Variants in LHFPL3 observed in about 807,000 individuals in gnomAD.
LHFPL3 encodes the protein LHFPL tetraspan subfamily member 3 protein.
A neutral mutation model predicts 19.3 loss-of-function variants in LHFPL3; 5 were observed. That is an observed-to-expected ratio of 0.26 (90% CI 0.14 to 0.54). The LOEUF (loss-of-function observed/expected upper bound fraction) is 0.54. LHFPL3 is among the 20% of genes least tolerant of loss of function. The pLI, the probability that LHFPL3 is intolerant of heterozygous loss-of-function variation, is 0.94. For missense variants in LHFPL3, 249 were observed against 307.4 expected, an observed-to-expected ratio of 0.81 and a Z score of 1.42; for synonymous variants, 133 against 126.2, an observed-to-expected ratio of 1.05 and a Z score of -0.36.
At chr7:104,687,657 A>G (rs551455965) in intron 1 of LHFPL3, among the ~76,000 whole-genome samples, 1 of 152,296 alleles carries the variant, frequency 6.6e-6, no homozygotes, top group Admixed American at 6.5e-5. Flanking sequence ...CCAAATATAT[A>G]TTTCACAATA....
intron 1 of LHFPL3, among the ~76,000 whole-genome samples, chr7:104,417,874 TCTTCTTC>T (rs1328206489): frequency 1.4e-4 from 18 of 128,856 alleles, no homozygotes; most frequent in African/African-American, 5.2e-4. Flanking sequence ...TTCTTCTTCT[TCTTCTTC>T]TTCTTTTTTT....
At chr7:104,818,751 CTTGT>C (rs941198121) in intron 2 of LHFPL3, among the ~76,000 whole-genome samples, 7 of 151,808 alleles carry the variant, frequency 4.6e-5, no homozygotes, top group African/African-American at 1.5e-4. Flanking sequence ...ATTTTGTTGG[CTTGT>C]TTGTTTTAAT....
chr7:104,664,867 C>T (rs913102332), intron 1 of LHFPL3, among the ~76,000 whole-genome samples: 2 of 152,172 alleles, frequency 1.3e-5, no homozygotes, highest in African/African-American at 4.8e-5. Flanking sequence ...GGACTAGATG[C>T]AGTGGTACCT....
intron 1 of LHFPL3, among the ~76,000 whole-genome samples, chr7:104,629,150 T>C (rs1791597831): frequency 6.6e-6 from 1 of 152,218 alleles, no homozygotes; most frequent in African/African-American, 2.4e-5. Context: ...AAATAAGTCC[T>C]GTTGTTCTTT....
intron 2 of LHFPL3, among the ~76,000 whole-genome samples, chr7:104,868,441 A>C (rs1440395379): frequency 6.6e-6 from 1 of 152,226 alleles, no homozygotes; most frequent in African/African-American, 2.4e-5. Flanking sequence ...AATAACAGAC[A>C]AACAGCCAAA....
chr7:104,696,808 G>A (rs4623345), intron 1 of LHFPL3, among the ~76,000 whole-genome samples: 151,411 of 152,300 alleles, frequency 0.99, 75,271 homozygotes, highest in East Asian at 1. Context: ...TTGAGTTGCT[G>A]TATAAAAAAT....
At chr7:104,792,572 A>C (rs1790044829) in intron 2 of LHFPL3, among the ~76,000 whole-genome samples, 1 of 152,172 alleles carries the variant, frequency 6.6e-6, no homozygotes, top group South Asian at 2.1e-4. Context: ...TGTTTCCTGG[A>C]GAGCTCCCAC....
At chr7:104,763,146 T>C (rs1194822571) in intron 2 of LHFPL3, among the ~76,000 whole-genome samples, 4 of 152,194 alleles carry the variant, frequency 2.6e-5, no homozygotes, top group Non-Finnish European at 4.4e-5. Flanking sequence ...GAAGTACCCA[T>C]GTCTTAAGCT....
chr7:104,579,930 G>A (rs1790424215), intron 1 of LHFPL3, among the ~76,000 whole-genome samples: 1 of 152,162 alleles, frequency 6.6e-6, no homozygotes, highest in South Asian at 2.1e-4. Context: ...TGAGGCTTAA[G>A]TCTCCTTGCT....
At chr7:104,439,061 C>A (rs1412643335) in intron 1 of LHFPL3, among the ~76,000 whole-genome samples, 3 of 152,060 alleles carry the variant, frequency 2.0e-5, no homozygotes, top group Non-Finnish European at 4.4e-5. Flanking sequence ...ACATAAATAG[C>A]CTTATATCCA....
intron 1 of LHFPL3, among the ~76,000 whole-genome samples, chr7:104,620,715 C>T (rs1465932958): frequency 6.6e-6 from 1 of 152,186 alleles, no homozygotes; most frequent in South Asian, 2.1e-4. Flanking sequence ...AACTCTCTAA[C>T]TCATTACTGA....
At chr7:104,735,389 T>C (rs986958746) in intron 1 of LHFPL3, among the ~76,000 whole-genome samples, 1 of 152,242 alleles carries the variant, frequency 6.6e-6, no homozygotes, top group Non-Finnish European at 1.5e-5. Flanking sequence ...CCAGCCGCTT[T>C]GTTTACCTAC....
At chr7:104,590,631 G>A (rs187116546) in intron 1 of LHFPL3, among the ~76,000 whole-genome samples, 53 of 152,220 alleles carry the variant, frequency 3.5e-4, no homozygotes, top group African/African-American at 1.0e-3. Flanking sequence ...TATTAGGTCC[G>A]CTTGGTGCAG....
chr7:104,865,074 T>C (rs987218826), intron 2 of LHFPL3, among the ~76,000 whole-genome samples: 1 of 152,032 alleles, frequency 6.6e-6, no homozygotes, highest in African/African-American at 2.4e-5. Flanking sequence ...ACCCCATCTG[T>C]ACATCACCAT....
intron 1 of LHFPL3, among the ~76,000 whole-genome samples, chr7:104,561,574 G>C (rs1170103400): frequency 6.6e-6 from 1 of 151,946 alleles, no homozygotes; most frequent in African/African-American, 2.4e-5. Context: ...GCCTATGTGT[G>C]TCTCTGCATG....
rs552666557 is a variant in LHFPL3, at chr7:104,440,205, C to A, written c.445+110981C>A. ...TAATAAAAAAATACAAAGCCATACA[C>A]ATGTACACCATGAAATACTCTGCAG... On this transcript the variant is annotated intron_variant, in intron 1 of 2. Transcript: ENST00000424859. Among the ~76,000 whole-genome samples, 40 of 151,516 alleles carry A rather than the reference C, an allele frequency of 2.6e-4. No homozygotes were observed. In the South Asian group the frequency reaches 7.5e-3, roughly 29 times the overall value.
chr7:104,396,005 G>A (rs755161986), intron 1 of LHFPL3, among the ~76,000 whole-genome samples: 9 of 152,196 alleles, frequency 5.9e-5, no homozygotes, highest in African/African-American at 9.6e-5. Flanking sequence ...CAAAAAGGCA[G>A]GTGGGACTGA....
At chr7:104,571,471 C>T (rs1450364159) in intron 1 of LHFPL3, among the ~76,000 whole-genome samples, 1 of 152,172 alleles carries the variant, frequency 6.6e-6, no homozygotes, top group Non-Finnish European at 1.5e-5. Context: ...CCTCCTTTCG[C>T]CAGCTTTTCT....
chr7:104,585,136 GTCCTCC>G (rs1205684869), intron 1 of LHFPL3, among the ~76,000 whole-genome samples: 2 of 151,738 alleles, frequency 1.3e-5, no homozygotes, highest in Non-Finnish European at 2.9e-5. Flanking sequence ...TCTTCTACCT[GTCCTCC>G]TTTTCCTCCT....
Sources: gnomAD v4.1 joint callset for allele counts (sites outside exome capture counted in the v4.1 genomes callset) on GRCh38, gnomAD v4.1.1 for gene constraint, MANE v1.5 for transcripts, NCBI Gene and HGNC (gene_info 2026-07-23, HGNC 2026-07-21) for gene names.